Variants in SHISA9 observed in about 807,000 individuals in gnomAD.
SHISA9 encodes protein shisa-9.
A neutral mutation model predicts 38.0 loss-of-function variants in SHISA9; 13 were observed. The observed-to-expected ratio is 0.34, with a 90% CI of 0.22 to 0.54. The LOEUF (loss-of-function observed/expected upper bound fraction) is 0.54. Among genes scored for constraint, SHISA9 ranks in the 20% least tolerant of loss-of-function variants. The probability of loss-of-function intolerance (pLI) is 0.91; values close to 1 mark genes in which losing one functional copy is unlikely to be tolerated. For missense variants in SHISA9, 538 were observed against 575.8 expected (o/e 0.93, Z 0.67); for synonymous variants, 275 against 242.0 (o/e 1.14, Z -1.27).
intron 2 of SHISA9, among the ~76,000 whole-genome samples, chr16:12,936,627 TC>T (rs1404081476): frequency 1.3e-5 from 2 of 152,218 alleles, no homozygotes; most frequent in Non-Finnish European, 2.9e-5. Flanking sequence ...AGAGTGTGAT[TC>T]TAGCATTTAA....
chr16:13,134,342 CT>C (rs1238070031), intron 2 of SHISA9, among the ~76,000 whole-genome samples: 2 of 152,130 alleles, frequency 1.3e-5, no homozygotes, highest in Non-Finnish European at 2.9e-5. Flanking sequence ...TATATGCTAG[CT>C]ATTATTTATT....
intron 4 of SHISA9, among the ~76,000 whole-genome samples, chr16:13,220,830 T>A (rs867094724): frequency 3.9e-5 from 6 of 152,118 alleles, no homozygotes; most frequent in Non-Finnish European, 7.3e-5. Context: ...TCAGAAGATG[T>A]TGACTGCACA....
At chr16:13,459,219 G>A in the SHISA9 span, among the ~76,000 whole-genome samples, 1 of 152,172 alleles carries the variant, frequency 6.6e-6, no homozygotes, top group Admixed American at 6.5e-5. Context: ...GATATTTGTA[G>A]GATGTGCCCG....
At chr16:13,157,176 C>T (rs767889592) in intron 2 of SHISA9, among the ~76,000 whole-genome samples, 37 of 152,166 alleles carry the variant, frequency 2.4e-4, no homozygotes, top group Non-Finnish European at 4.6e-4. Context: ...ATCCATCCAT[C>T]CATCCATCCC....
intron 2 of SHISA9, among the ~76,000 whole-genome samples, chr16:12,943,435 C>T (rs548857047): frequency 8.0e-5 from 12 of 149,898 alleles, no homozygotes; most frequent in South Asian, 2.1e-4. Context: ...AAAACAATGA[C>T]GAAACCTCTA....
the SHISA9 span, among the ~76,000 whole-genome samples, chr16:13,401,487 T>C: frequency 6.6e-6 from 1 of 152,202 alleles, no homozygotes; most frequent in East Asian, 1.9e-4. Flanking sequence ...AGTGAAGGCC[T>C]AACCCCCCAG....
chr16:13,418,334 T>C, the SHISA9 span, among the ~76,000 whole-genome samples: 1 of 152,226 alleles, frequency 6.6e-6, no homozygotes, highest in Non-Finnish European at 1.5e-5. Flanking sequence ...TGAAAGCCCA[T>C]GTCCATGTTC....
chr16:13,375,527 CT>C, the SHISA9 span, among the ~76,000 whole-genome samples: 2 of 152,116 alleles, frequency 1.3e-5, no homozygotes, highest in Non-Finnish European at 2.9e-5. Flanking sequence ...TTCCATTGGT[CT>C]ATATCTCTGT....
chr16:13,106,547 A>C (rs1285787557), intron 2 of SHISA9, among the ~76,000 whole-genome samples: 1 of 152,166 alleles, frequency 6.6e-6, no homozygotes, highest in Non-Finnish European at 1.5e-5. Flanking sequence ...CTTTTGGGAC[A>C]TTCAATCCTG....
At chr16:13,257,237 A>G in the SHISA9 span, among the ~76,000 whole-genome samples, 90 of 152,310 alleles carry the variant, frequency 5.9e-4, no homozygotes, top group African/African-American at 2.0e-3. Flanking sequence ...TAAATGAGAT[A>G]CTTCATTAGA....
chr16:13,557,549 G>T, the SHISA9 span, among the ~76,000 whole-genome samples: 1,351 of 152,268 alleles, frequency 8.9e-3, 24 homozygotes, highest in African/African-American at 0.031. Context: ...GTGTCCGGGA[G>T]ACAACTCCAG....
At chr16:12,995,942 G>A (rs1318415117) in intron 2 of SHISA9, among the ~76,000 whole-genome samples, 2 of 152,178 alleles carry the variant, frequency 1.3e-5, no homozygotes, top group Admixed American at 1.3e-4. Context: ...TGCTTCTTGA[G>A]TTGTGGTTTG....
At chr16:12,970,430 T>TATATATAC (rs1567357164) in intron 2 of SHISA9, among the ~76,000 whole-genome samples, 22 of 79,778 alleles carry the variant, frequency 2.8e-4, no homozygotes, top group African/African-American at 1.3e-3. Flanking sequence ...CATATATGTA[T>TATATATAC]ATATATATAC....
chr16:13,001,233 A>T (rs2072520687), intron 2 of SHISA9, among the ~76,000 whole-genome samples: 1 of 152,106 alleles, frequency 6.6e-6, no homozygotes, highest in Non-Finnish European at 1.5e-5. Flanking sequence ...CAGCCAGGTG[A>T]CTTCTTTTTG....
At chr16:13,518,182 T>A in the SHISA9 span, among the ~76,000 whole-genome samples, 1 of 151,906 alleles carries the variant, frequency 6.6e-6, no homozygotes, top group African/African-American at 2.4e-5. Context: ...CACACTACCA[T>A]AGATCACTTT....
Position 13,092,248 on chromosome 16 carries a change from A to G in SHISA9, c.692-111146A>G, listed in dbSNP as rs139005256. On this transcript the variant is annotated intron_variant, in intron 2 of 4. Coordinates refer to ENST00000558583, the MANE Select transcript of SHISA9 (RefSeq NM_001145204.3). ...GAGGTGTCTGTTGGCCCCTGCTGGG[A>G]GGTGTCTCCCAGTTAGGCTACATGG... Among the ~76,000 whole-genome samples the G allele has an allele frequency of 8.3e-3, 1,262 of 152,266 alleles. 46 individuals are homozygous for G. Among genetic ancestry groups the G allele is most frequent in the Admixed American group, 0.06 (919 of 15,294 alleles).
intron 2 of SHISA9, among the ~76,000 whole-genome samples, chr16:13,144,299 T>C (rs767257889): frequency 6.6e-6 from 1 of 151,736 alleles, no homozygotes; most frequent in African/African-American, 2.4e-5. Flanking sequence ...ACTACAGGAG[T>C]GTGCCACCAT....
At chr16:13,561,358 G>A in the SHISA9 span, among the ~76,000 whole-genome samples, 4 of 152,230 alleles carry the variant, frequency 2.6e-5, no homozygotes, top group African/African-American at 9.6e-5. Flanking sequence ...CTCCAACTAG[G>A]AAGACTTGGC....
the SHISA9 span, among the ~76,000 whole-genome samples, chr16:13,246,573 T>C: frequency 6.6e-6 from 1 of 152,218 alleles, no homozygotes. Flanking sequence ...ACATTTTTTG[T>C]GTATCAGGCA....
Sources: gnomAD v4.1 joint callset for allele counts (sites outside exome capture counted in the v4.1 genomes callset) on GRCh38, gnomAD v4.1.1 for gene constraint, MANE v1.5 for transcripts, NCBI Gene and HGNC (gene_info 2026-07-23, HGNC 2026-07-21) for gene names.